Variants in PTPRD observed in about 807,000 individuals in gnomAD.
The protein encoded by PTPRD is protein tyrosine phosphatase receptor type D.
PTPRD carries 34 observed loss-of-function variants against 214.5 expected under a neutral mutation model. That is an observed-to-expected ratio of 0.16 (90% CI 0.12 to 0.21). PTPRD has a LOEUF of 0.21. PTPRD is among the 10% of genes least tolerant of loss of function. PTPRD has a pLI of 1.00. For synonymous variants in PTPRD, 1,128 were observed against 845.7 expected, an observed-to-expected ratio of 1.33 and a Z score of -5.79; for missense variants, 2,545 against 2,398.7, an observed-to-expected ratio of 1.06 and a Z score of -1.27.
intron 35 of PTPRD, among the ~76,000 whole-genome samples, chr9:8,424,018 T>C (rs906495557): frequency 6.6e-6 from 1 of 152,192 alleles, no homozygotes; most frequent in East Asian, 1.9e-4. Context: ...ATCTTCAAAC[T>C]TGCTAATTTT....
intron 3 of PTPRD, among the ~76,000 whole-genome samples, chr9:10,220,462 G>C (rs959211058): frequency 6.6e-6 from 1 of 151,850 alleles, no homozygotes; most frequent in Admixed American, 6.6e-5. Context: ...TATATCTCTA[G>C]AGTCCAGTTC....
At chr9:9,615,384 C>A (rs984494733) in intron 7 of PTPRD, among the ~76,000 whole-genome samples, 3 of 152,164 alleles carry the variant, frequency 2.0e-5, no homozygotes, top group Non-Finnish European at 2.9e-5. Context: ...GTTTGTGAAG[C>A]AGCACCAGAC....
At chr9:9,548,455 T>C (rs2079366870) in intron 8 of PTPRD, among the ~76,000 whole-genome samples, 1 of 147,572 alleles carries the variant, frequency 6.8e-6, no homozygotes, top group Non-Finnish European at 1.5e-5. Flanking sequence ...TCATCCAGGC[T>C]GGAGGGCAGT....
At chr9:8,648,806 A>G (rs181506066) in intron 12 of PTPRD, among the ~76,000 whole-genome samples, 2 of 152,226 alleles carry the variant, frequency 1.3e-5, no homozygotes, top group South Asian at 2.1e-4. Context: ...TAGACACACT[A>G]TTTGACCAAA....
intron 3 of PTPRD, among the ~76,000 whole-genome samples, chr9:10,211,573 T>G (rs2099517034): frequency 3.9e-5 from 6 of 152,132 alleles, no homozygotes; most frequent in Admixed American, 3.9e-4. Flanking sequence ...CCAACAGAGG[T>G]GCTCCGGAAC....
At chr9:8,986,464 T>C (rs2099345706) in intron 11 of PTPRD, among the ~76,000 whole-genome samples, 1 of 151,792 alleles carries the variant, frequency 6.6e-6, no homozygotes, top group Non-Finnish European at 1.5e-5. Context: ...ATATATGTCA[T>C]ATTTTTTTCT....
At chr9:9,669,814 T>C (rs1280560671) in intron 7 of PTPRD, among the ~76,000 whole-genome samples, 1 of 152,258 alleles carries the variant, frequency 6.6e-6, no homozygotes, top group Admixed American at 6.5e-5. Flanking sequence ...TGTATATACA[T>C]ATTAAAATTA....
chr9:10,467,616 C>T (rs2099003295), intron 2 of PTPRD, among the ~76,000 whole-genome samples: 1 of 151,828 alleles, frequency 6.6e-6, no homozygotes, highest in South Asian at 2.1e-4. Flanking sequence ...ATTAAAATTA[C>T]AATTATATCA....
intron 11 of PTPRD, among the ~76,000 whole-genome samples, chr9:8,764,893 T>A (rs560881066): frequency 4.6e-5 from 7 of 151,984 alleles, no homozygotes; most frequent in Admixed American, 6.6e-5. Context: ...TGTAATCATT[T>A]AATAATTAAA....
At chr9:10,412,429 G>A (rs1450612228) in intron 2 of PTPRD, among the ~76,000 whole-genome samples, 1 of 151,246 alleles carries the variant, frequency 6.6e-6, no homozygotes, top group Non-Finnish European at 1.5e-5. Context: ...TAAGTAGCCT[G>A]CCAACCAAAA....
intron 10 of PTPRD, among the ~76,000 whole-genome samples, chr9:9,048,285 G>C (rs1185674140): frequency 1.3e-5 from 2 of 152,120 alleles, no homozygotes; most frequent in African/African-American, 4.8e-5. Context: ...ACATGATCCA[G>C]CAATCCTGCT....
At chr9:9,236,515 C>G (rs542613714) in intron 9 of PTPRD, among the ~76,000 whole-genome samples, 2 of 151,892 alleles carry the variant, frequency 1.3e-5, no homozygotes, top group African/African-American at 2.4e-5. Flanking sequence ...CCCTGACACT[C>G]CAGATCTTTT....
rs550868155 is a variant in PTPRD, at chr9:8,832,796, G to T, written c.-103-98850C>A. 9.4e-4 allele frequency among the ~76,000 whole-genome samples: 139 copies of T among 148,022 alleles called. 1 individual carries two copies. The highest frequency in any genetic ancestry group is 3.0e-3 in the East Asian group (15 of 5,014). On this transcript the variant is annotated intron_variant, in intron 11 of 45. Transcript: ENST00000381196. ...TGGAGTTCTCTCTCTCTCTCTCTCT[G>T]GCTCTTGCTCTCTCTGTATTTCTCT...
intron 9 of PTPRD, among the ~76,000 whole-genome samples, chr9:9,272,011 T>C (rs1198307455): frequency 6.6e-6 from 1 of 151,288 alleles, no homozygotes; most frequent in East Asian, 2.0e-4. Context: ...AGAAGCAGGT[T>C]AGCATAGATG....
chr9:8,492,302 C>A (rs537226691), intron 27 of PTPRD, among the ~76,000 whole-genome samples: 1 of 152,122 alleles, frequency 6.6e-6, no homozygotes, highest in Non-Finnish European at 1.5e-5. Flanking sequence ...TGTTGCTTGA[C>A]TTCCCTGCCC....
intron 10 of PTPRD, among the ~76,000 whole-genome samples, chr9:9,103,931 C>G (rs905091428): frequency 7.9e-5 from 12 of 151,914 alleles, no homozygotes; most frequent in African/African-American, 2.7e-4. Flanking sequence ...TGCAGCGAGC[C>G]AAGATGTTGC....
chr9:10,502,028 C>T (rs1211433073), intron 2 of PTPRD, among the ~76,000 whole-genome samples: 2 of 151,552 alleles, frequency 1.3e-5, no homozygotes, highest in African/African-American at 4.8e-5. Flanking sequence ...TATATAGAAA[C>T]CAATAAGAAG....
In PTPRD at chr9:10,419,381, G is replaced by C. The variant is rs549090052; in HGVS notation, c.-599-78364C>G. ...ACTACATTATCAGGGCTATAAAACA[G>C]TAGAAGGCATAGTTCCGTTCTTTTT... On this transcript the variant is annotated intron_variant, in intron 2 of 45. Transcript: ENST00000381196. Among the ~76,000 whole-genome samples the C allele has an allele frequency of 2.0e-5, 3 of 151,914 alleles. No individual in the cohort carries two copies. The East Asian group carries it at 5.9e-4, about 30-fold the overall frequency.
chr9:8,847,117 G>C (rs1381473764), intron 11 of PTPRD, among the ~76,000 whole-genome samples: 2 of 151,990 alleles, frequency 1.3e-5, no homozygotes, highest in Admixed American at 1.3e-4. Flanking sequence ...GTGTAACTGA[G>C]AGAAAACAGA....
Sources: gnomAD v4.1 joint callset for allele counts (sites outside exome capture counted in the v4.1 genomes callset) on GRCh38, gnomAD v4.1.1 for gene constraint, MANE v1.5 for transcripts, NCBI Gene and HGNC (gene_info 2026-07-23, HGNC 2026-07-21) for gene names.